Variants in KREMEN1 observed in about 807,000 individuals in gnomAD.
The protein encoded by KREMEN1 is kringle containing transmembrane protein 1.
KREMEN1 carries 30 observed loss-of-function variants against 46.5 expected under a neutral mutation model. That is an observed-to-expected ratio of 0.65 (90% CI 0.48 to 0.88). KREMEN1 has a LOEUF of 0.88. Among genes scored for constraint, KREMEN1 ranks in the 40% least tolerant of loss-of-function variants. The pLI is 0.00. For missense variants in KREMEN1, 533 were observed against 596.9 expected, an observed-to-expected ratio of 0.89 and a Z score of 1.11; for synonymous variants, 214 against 230.6, an observed-to-expected ratio of 0.93 and a Z score of 0.65.
At chr22:29,141,628 G>GT (rs1301021393) in intron 8 of KREMEN1, among the ~76,000 whole-genome samples, 1 of 152,214 alleles carries the variant, frequency 6.6e-6, no homozygotes, top group Non-Finnish European at 1.5e-5. Context: ...TTTGAAGACA[G>GT]TTCTTTTATT....
intron 9 of KREMEN1, among the ~76,000 whole-genome samples, chr22:29,158,462 A>C (rs2038983165): frequency 6.6e-6 from 1 of 152,194 alleles, no homozygotes; most frequent in African/African-American, 2.4e-5. Flanking sequence ...AATTCTAGGG[A>C]AACTGGGCCT....
intron 4 of KREMEN1, 101 bp downstream of exon 4, chr22:29,121,582 A>G: frequency 1.6e-6 from 2 of 1,221,550 alleles, no homozygotes; most frequent in East Asian, 2.4e-5. Context: ...TAAGCCAGAC[A>G]CAAAAGGCCA....
At chr22:29,095,113 C>G (rs1019060681) in intron 2 of KREMEN1, among the ~76,000 whole-genome samples, 1 of 152,148 alleles carries the variant, frequency 6.6e-6, no homozygotes, top group Non-Finnish European at 1.5e-5. Context: ...ATGTGTGACC[C>G]AAATCTCCCT....
In KREMEN1 at chr22:29,146,686, A is replaced by G. The variant is rs1333375361; in HGVS notation, c.*4574A>G. On this transcript the variant is annotated 3_prime_UTR_variant, in exon 9 of 9. Coordinates refer to ENST00000400335, the MANE Select transcript of KREMEN1 (RefSeq NM_001039570.3). ...TAAAATATAAGATGAAGTGTGACGC[A>G]CTGTATACAATTTAATATATATTTT... 1.2e-4 allele frequency: 110 copies of G among 927,140 alleles called. No homozygotes were observed. The highest frequency in any genetic ancestry group is 1.4e-4 in the Non-Finnish European group (106 of 776,644). The allele number at this position is 927,140 out of a possible 1,614,324, so 57.4% of individuals were successfully genotyped here. A position where few individuals can be genotyped will look rare whatever the true frequency, so the allele number is the denominator to read the frequency against.
rs2037500635 is a variant in KREMEN1, at chr22:29,073,215, G to T, written c.85G>T (p.Gly29Cys). The change falls in exon 1 of 9, where the codon GGC becomes TGC. Residue 29 changes from glycine (G) to cysteine (C), a missense_variant. Coordinates refer to ENST00000400335, the MANE Select transcript of KREMEN1 (RefSeq NM_001039570.3). This position sits in a 1 kb window ranked among gnomAD's most constrained non-coding sequence, Gnocchi z 4.4. ...AARPAPSPGL[G>C]PGPECFTANG... The stretch of plus-strand genomic sequence containing the variant: ...CCGGCCCGCGCCTAGCCCCGGCCTC[G>T]GCCCCGGACCCGGTGAGTGTGAGCG... 9 of 1,178,226 alleles carry T rather than the reference G, an allele frequency of 7.6e-6. No homozygotes were observed. In the East Asian group the frequency reaches 3.4e-4, roughly 44 times the overall value. The allele number at this position is 1,178,226 out of a possible 1,614,324, so 73.0% of individuals were successfully genotyped here.
intron 1 of KREMEN1, among the ~76,000 whole-genome samples, chr22:29,074,694 G>A (rs1460164809): frequency 6.6e-6 from 1 of 152,238 alleles, no homozygotes; most frequent in East Asian, 1.9e-4. Flanking sequence ...ATGGGATTTT[G>A]CTGGTGTAAG....
rs1365238859 is a variant in KREMEN1 at position 29,142,263 on chromosome 22, G to A, written c.*151G>A. On this transcript the variant is annotated 3_prime_UTR_variant, in exon 9 of 9. Transcript: ENST00000400335. Reference sequence around the variant, plus strand: ...AAACCCTCCTCCTACAGACTAGGAAGAGGCACCCTGCTGCCAGGGCAGGCA... The same window carrying A: ...AAACCCTCCTCCTACAGACTAGGAAAAGGCACCCTGCTGCCAGGGCAGGCA... The A allele has an allele frequency of 7.4e-7, 1 of 1,342,406 alleles. No individual in the cohort carries two copies. Among genetic ancestry groups the A allele is most frequent in the East Asian group, 2.9e-5 (1 of 34,530 alleles). 83.2% of individuals were successfully genotyped at this position (1,342,406 alleles called of 1,614,324 possible).
intron 9 of KREMEN1, among the ~76,000 whole-genome samples, chr22:29,157,726 C>G (rs1029044024): frequency 1.3e-5 from 2 of 152,172 alleles, no homozygotes; most frequent in Admixed American, 1.3e-4. Context: ...CAAGGACCCG[C>G]CTTGGAAAAT....
intron 3 of KREMEN1, among the ~76,000 whole-genome samples, chr22:29,115,034 G>C (rs2038215904): frequency 6.7e-6 from 1 of 149,434 alleles, no homozygotes; most frequent in African/African-American, 2.4e-5. Context: ...GCTTTAAGTG[G>C]ATGTCGTTAA....
chr22:29,126,115 CAA>C (rs5844835), intron 5 of KREMEN1, among the ~76,000 whole-genome samples: 2,758 of 143,296 alleles, frequency 0.019, 42 homozygotes, highest in Non-Finnish European at 0.024. Flanking sequence ...TGGAGGCAGA[CAA>C]AAAAAAAAAA....
chr22:29,125,317 T>C lies in KREMEN1; in HGVS notation c.532T>C (p.Trp178Arg). 1 of 1,614,180 alleles carries C rather than the reference T, an allele frequency of 6.2e-7. No individual in the cohort carries two copies. The highest frequency in any genetic ancestry group is 8.5e-7 in the Non-Finnish European group (1 of 1,180,016). Reference protein sequence around the residue: ...ACFCGNNPDYWKYGEAASTEC... With the variant: ...ACFCGNNPDYRKYGEAASTEC... ...CTTCTGTGGAAACAATCCTGATTAC[T>C]GGAAGTACGGGGAGGCAGCCAGTAC... Residue 178 changes from tryptophan to arginine, a missense_variant, in exon 5 of 9, where the codon TGG (tryptophan) becomes CGG (arginine). Coordinates refer to ENST00000400335, the MANE Select transcript of KREMEN1 (RefSeq NM_001039570.3).
intron 3 of KREMEN1, among the ~76,000 whole-genome samples, chr22:29,119,460 GT>G: frequency 6.6e-6 from 1 of 152,346 alleles, no homozygotes; most frequent in Non-Finnish European, 1.5e-5. Flanking sequence ...GGGACTGAAA[GT>G]TCCAAGCTTT....
chr22:29,080,179 T>A lies in KREMEN1; in HGVS notation c.97+6952T>A, dbSNP rs2032313734. On this transcript the variant is annotated intron_variant, in intron 1 of 8. Coordinates refer to ENST00000400335, the MANE Select transcript of KREMEN1 (RefSeq NM_001039570.3). ...AAAGCCTCTATTACTGGTGGGTGTT[T>A]TGGCATCAGTTAAGGGCCTTCAATC... is the stretch of plus-strand genomic sequence containing the variant. 2.0e-5 allele frequency among the ~76,000 whole-genome samples: 3 copies of A among 152,258 alleles called. No homozygotes were observed. In the South Asian group the frequency reaches 6.2e-4, roughly 32 times the overall value.
intron 9 of KREMEN1, among the ~76,000 whole-genome samples, chr22:29,166,347 G>A (rs182472127): frequency 6.6e-6 from 1 of 152,080 alleles, no homozygotes; most frequent in Admixed American, 6.5e-5. Flanking sequence ...TGGAGCCTGT[G>A]GTCATGCACC....
intron 4 of KREMEN1, 142 bp from the exon 5 acceptor site, chr22:29,125,121 T>C: frequency 1.3e-6 from 1 of 775,908 alleles, no homozygotes; most frequent in East Asian, 2.5e-5. Context: ...GTTGCAAGAG[T>C]GGAAGAAGGG....
intron 4 of KREMEN1, 22 bp downstream of exon 4, chr22:29,121,503 A>G (rs1239507085): frequency 2.5e-6 from 4 of 1,608,870 alleles, no homozygotes; most frequent in East Asian, 2.2e-5. Flanking sequence ...GTGGCTGTGT[A>G]ACTATAGAAA....
intron 3 of KREMEN1, among the ~76,000 whole-genome samples, chr22:29,101,293 A>G (rs2037972935): frequency 6.6e-6 from 1 of 151,704 alleles, no homozygotes. Context: ...AGGGAAGAAC[A>G]TATTTTTGTA....
At chr22:29,158,093 T>G (rs2038979235) in intron 9 of KREMEN1, among the ~76,000 whole-genome samples, 1 of 152,202 alleles carries the variant, frequency 6.6e-6, no homozygotes, top group Non-Finnish European at 1.5e-5. Context: ...CGTAGTCATG[T>G]CAGGGCCCAG....
At chr22:29,116,475 C>T (rs1278218692) in intron 3 of KREMEN1, among the ~76,000 whole-genome samples, 1 of 152,128 alleles carries the variant, frequency 6.6e-6, no homozygotes, top group Non-Finnish European at 1.5e-5. Flanking sequence ...AGTGATCTAC[C>T]TCATGGTGTG....
Sources: gnomAD v4.1 joint callset for allele counts (sites outside exome capture counted in the v4.1 genomes callset) on GRCh38, gnomAD v4.1.1 for gene constraint, Gnocchi (gnomAD v3.1) non-coding constraint, MANE v1.5 for transcripts, NCBI Gene and HGNC (gene_info 2026-07-23, HGNC 2026-07-21) for gene names.